Variants in CA10 observed in about 807,000 individuals in gnomAD.
CA10 encodes the protein carbonic anhydrase 10 (inactive).
In CA10, 14 loss-of-function variants were observed where a neutral mutation model predicts 44.2. The observed-to-expected ratio is 0.32, with a 90% CI of 0.21 to 0.50. CA10 has a LOEUF of 0.50. CA10 is among the 20% of genes least tolerant of loss of function. The pLI, the probability that CA10 is intolerant of heterozygous loss-of-function variation, is 0.99. For missense variants in CA10, 350 were observed against 409.7 expected (o/e 0.85, Z 1.26); for synonymous variants, 159 against 141.6 (o/e 1.12, Z -0.87).
chr17:51,956,135 CT>C, intron 2 of CA10, among the ~76,000 whole-genome samples: 1 of 150,892 alleles, frequency 6.6e-6, no homozygotes, highest in East Asian at 2.0e-4. Context: ...CATTTTCCAT[CT>C]TTATCAAATC....
intron 3 of CA10, among the ~76,000 whole-genome samples, chr17:51,827,591 T>C (rs1016793861): frequency 1.8e-4 from 27 of 152,238 alleles, no homozygotes; most frequent in Non-Finnish European, 2.9e-5. Context: ...GCTAACAGCA[T>C]ACACAGTGTC....
rs772575719 is a variant in CA10 at position 51,744,881 on chromosome 17, G to A, written c.465+2752C>T. ...ACTACTTTGCATATAGCATTGTTTCGGGGACTCTGAAATTCTGGTCTCTTG... is the reference window on the plus strand; with the variant it reads ...ACTACTTTGCATATAGCATTGTTTCAGGGACTCTGAAATTCTGGTCTCTTG... On this transcript the variant is annotated intron_variant, in intron 4 of 8. Coordinates refer to ENST00000451037, the MANE Select transcript of CA10 (RefSeq NM_020178.5). Among the ~76,000 whole-genome samples, 9 of 152,210 alleles carry A rather than the reference G, an allele frequency of 5.9e-5. No homozygotes were observed. The South Asian group carries it at 6.2e-4, about 11-fold the overall frequency.
At chr17:51,658,136 T>C (rs1913864474) in intron 4 of CA10, among the ~76,000 whole-genome samples, 1 of 152,206 alleles carries the variant, frequency 6.6e-6, no homozygotes, top group African/African-American at 2.4e-5. Flanking sequence ...GCTGGTGCCA[T>C]GATGCAGTGC....
chr17:51,986,438 G>C (rs1408166309), intron 2 of CA10, among the ~76,000 whole-genome samples: 1 of 152,030 alleles, frequency 6.6e-6, no homozygotes, highest in Admixed American at 6.6e-5. Context: ...TGTAGATGTT[G>C]GCTTAGGCAG....
At chr17:51,840,386 A>C (rs1303927792) in intron 3 of CA10, among the ~76,000 whole-genome samples, 1 of 152,044 alleles carries the variant, frequency 6.6e-6, no homozygotes, top group East Asian at 1.9e-4. Flanking sequence ...GGCAGAATGC[A>C]GTACTTCTGA....
chr17:51,784,863 T>A (rs1331434294), intron 3 of CA10, among the ~76,000 whole-genome samples: 3 of 152,120 alleles, frequency 2.0e-5, no homozygotes, highest in African/African-American at 7.2e-5. Flanking sequence ...AAATACTAGG[T>A]CTTATTCTTT....
At chr17:51,948,604 T>C (rs1042851748) in intron 2 of CA10, among the ~76,000 whole-genome samples, 1 of 152,182 alleles carries the variant, frequency 6.6e-6, no homozygotes, top group African/African-American at 2.4e-5. Flanking sequence ...CTTTTCCCAG[T>C]CCCTTCTCCT....
At chr17:51,792,964 T>C (rs1906577213) in intron 3 of CA10, among the ~76,000 whole-genome samples, 2 of 152,326 alleles carry the variant, frequency 1.3e-5, no homozygotes, top group South Asian at 2.1e-4. Flanking sequence ...GTTGGCCATA[T>C]TTAATGCAAG....
At chr17:51,669,427 G>C (rs1355904900) in intron 4 of CA10, among the ~76,000 whole-genome samples, 1 of 152,120 alleles carries the variant, frequency 6.6e-6, no homozygotes, top group Non-Finnish European at 1.5e-5. Flanking sequence ...TGTGGGTGGG[G>C]TCAGATAAGG....
At chr17:51,849,726 T>G in intron 3 of CA10, among the ~76,000 whole-genome samples, 1 of 152,156 alleles carries the variant, frequency 6.6e-6, no homozygotes, top group East Asian at 1.9e-4. Context: ...GTTTCAGAAC[T>G]TGATGGAAGG....
intron 4 of CA10, among the ~76,000 whole-genome samples, chr17:51,741,591 C>T (rs1904462614): frequency 6.6e-6 from 1 of 152,162 alleles, no homozygotes; most frequent in Admixed American, 6.5e-5. Flanking sequence ...TCCTGGGACA[C>T]AAATGGTTGA....
chr17:52,110,384 T>G (rs1375803586), intron 1 of CA10, among the ~76,000 whole-genome samples: 1 of 152,178 alleles, frequency 6.6e-6, no homozygotes, highest in Non-Finnish European at 1.5e-5. Flanking sequence ...CTGTAGGGCT[T>G]TGGGCCCTTA....
intron 4 of CA10, among the ~76,000 whole-genome samples, chr17:51,711,158 C>T (rs1041950287): frequency 2.8e-4 from 42 of 152,116 alleles, no homozygotes; most frequent in Admixed American, 2.8e-3. Flanking sequence ...TCAACATCAA[C>T]CTCACCAAAG....
intron 3 of CA10, among the ~76,000 whole-genome samples, chr17:51,808,338 A>C (rs1907214486): frequency 6.6e-6 from 1 of 152,202 alleles, no homozygotes; most frequent in African/African-American, 2.4e-5. Context: ...TTAACTTCTG[A>C]AATCCTCTTT....
intron 3 of CA10, among the ~76,000 whole-genome samples, chr17:51,795,272 A>G (rs889902639): frequency 1.3e-5 from 2 of 152,230 alleles, no homozygotes; most frequent in Non-Finnish European, 2.9e-5. Flanking sequence ...CATCTACACC[A>G]TAAGATAAAA....
At chr17:52,065,655 C>T (rs1017105318) in intron 2 of CA10, among the ~76,000 whole-genome samples, 1 of 152,182 alleles carries the variant, frequency 6.6e-6, no homozygotes. Flanking sequence ...ATCCAAACTT[C>T]TAGTTCCTTT....
intron 1 of CA10, among the ~76,000 whole-genome samples, chr17:52,105,093 G>A (rs1216614247): frequency 2.6e-5 from 4 of 152,034 alleles, no homozygotes; most frequent in African/African-American, 9.7e-5. Context: ...AGCTTCTCAG[G>A]TGATTTGTAA....
intron 3 of CA10, among the ~76,000 whole-genome samples, chr17:51,893,876 C>G (rs540894768): frequency 6.6e-6 from 1 of 151,964 alleles, no homozygotes; most frequent in Admixed American, 6.6e-5. Flanking sequence ...TATATATTCA[C>G]GTATACATTT....
Position 51,717,702 on chromosome 17 carries a change from TATATATAC to T in CA10, c.465+29923_465+29930del, listed in dbSNP as rs1482909919. The stretch of plus-strand genomic sequence containing the variant: ...GTATATATGTATACATATATGCATG[TATATATAC>T]ATATATACGTATATATACATATATA... On this transcript the variant is annotated intron_variant, in intron 4 of 8. Coordinates refer to ENST00000451037, the MANE Select transcript of CA10 (RefSeq NM_020178.5). 2.1e-3 allele frequency among the ~76,000 whole-genome samples: 138 copies of T among 65,586 alleles called. 26 individuals carry two copies. Among genetic ancestry groups the T allele is most frequent in the African/African-American group, 5.6e-3 (118 of 21,170 alleles). 43.0% of individuals were successfully genotyped at this position (65,586 alleles called of 152,430 possible).
Sources: allele counts gnomAD v4.1 joint callset (sites outside exome capture counted in the v4.1 genomes callset), GRCh38; gene constraint gnomAD v4.1.1; transcripts MANE v1.5; gene names NCBI Gene and HGNC (gene_info 2026-07-23, HGNC 2026-07-21).